The following UBAP1 variants were observed in gnomAD, a reference collection of about 807,000 sequenced individuals.
The protein encoded by UBAP1 is ubiquitin-associated protein 1.
Under a neutral mutation model 39.0 loss-of-function variants are expected in UBAP1, and 5 were observed. That is an observed-to-expected ratio of 0.13 (90% CI 0.07 to 0.27). The LOEUF is 0.27. Among genes scored for constraint, UBAP1 ranks in the 10% least tolerant of loss-of-function variants. The probability of loss-of-function intolerance (pLI) is 1.00; values close to 1 mark genes in which losing one functional copy is unlikely to be tolerated. For synonymous variants in UBAP1, 211 were observed against 225.1 expected (o/e 0.94, Z 0.56); for missense variants, 490 against 608.1 (o/e 0.81, Z 2.04).
At position 34,251,784 on chromosome 9, in the gene UBAP1, T is replaced by C. The variant is rs1473494962; in HGVS notation, c.*252T>C. On this transcript the variant is annotated 3_prime_UTR_variant, in exon 7 of 7. Transcript: ENST00000297661. ...TTAAACGCATTTGCATTTTGAGAAG[T>C]GTCCTTCCCACTTCAGCCCTCCGGA... The C allele has an allele frequency of 6.9e-6, 3 of 437,082 alleles. No homozygotes were observed. The highest frequency in any genetic ancestry group is 1.2e-5 in the Non-Finnish European group (3 of 241,618). 27.1% of individuals were successfully genotyped at this position (437,082 alleles called of 1,614,324 possible).
intron 4 of UBAP1, among the ~76,000 whole-genome samples, chr9:34,246,035 A>G (rs1283434820): frequency 6.6e-6 from 1 of 152,030 alleles, no homozygotes; most frequent in East Asian, 1.9e-4. Flanking sequence ...GTCCACTGCT[A>G]CCCCCTTTCC....
intron 1 of UBAP1, among the ~76,000 whole-genome samples, chr9:34,187,144 G>A (rs570243305): frequency 6.6e-6 from 1 of 152,286 alleles, no homozygotes; most frequent in African/African-American, 2.4e-5. Flanking sequence ...CTGACCTCAG[G>A]TGATCCACCC....
intron 2 of UBAP1, chr9:34,224,011 C>T: frequency 2.1e-6 from 1 of 484,106 alleles, no homozygotes; most frequent in East Asian, 3.4e-5. Context: ...CCTTGATTTT[C>T]CTAAGATAGA....
chr9:34,202,307 T>A (rs539365841), intron 1 of UBAP1, among the ~76,000 whole-genome samples: 1 of 152,168 alleles, frequency 6.6e-6, no homozygotes, highest in African/African-American at 2.4e-5. Flanking sequence ...AATTTTTGTA[T>A]TTTTAGTAGA....
At chr9:34,184,456 C>T (rs1334754350) in intron 1 of UBAP1, among the ~76,000 whole-genome samples, 2 of 149,920 alleles carry the variant, frequency 1.3e-5, no homozygotes, top group East Asian at 4.1e-4. Flanking sequence ...ACGGTGAAAC[C>T]CTGTCTCTAC....
intron 2 of UBAP1, chr9:34,224,376 C>T (rs537110549): frequency 1.8e-5 from 8 of 436,630 alleles, no homozygotes; most frequent in South Asian, 4.9e-5. Flanking sequence ...CGTTATTAAA[C>T]GCATTGTAGA....
intron 2 of UBAP1, among the ~76,000 whole-genome samples, chr9:34,228,673 G>A (rs1186350971): frequency 6.7e-6 from 1 of 148,308 alleles, no homozygotes; most frequent in Non-Finnish European, 1.5e-5. Context: ...GGGTTCAAGT[G>A]ATCCTCCTGC....
intron 1 of UBAP1, among the ~76,000 whole-genome samples, chr9:34,195,602 T>C (rs1298844617): frequency 6.6e-6 from 1 of 152,000 alleles, no homozygotes; most frequent in East Asian, 1.9e-4. Flanking sequence ...ATTTTTCTTT[T>C]TTTTTTTTTT....
At chr9:34,229,588 A>C (rs1833300403) in intron 2 of UBAP1, among the ~76,000 whole-genome samples, 1 of 150,208 alleles carries the variant, frequency 6.7e-6, no homozygotes, top group Non-Finnish European at 1.5e-5. Context: ...ACTAGGCTGG[A>C]GTGCAGTGGA....
intron 1 of UBAP1, among the ~76,000 whole-genome samples, chr9:34,207,935 A>G (rs1046463195): frequency 1.3e-5 from 2 of 152,196 alleles, no homozygotes; most frequent in African/African-American, 2.4e-5. Context: ...TGAAATAACA[A>G]TGCTAAGCAA....
chr9:34,199,374 ATTAT>A (rs1831239727), intron 1 of UBAP1, among the ~76,000 whole-genome samples: 1 of 152,100 alleles, frequency 6.6e-6, no homozygotes, highest in Admixed American at 6.5e-5. Context: ...CGCCCAGCCT[ATTAT>A]TTATTTTTAA....
chr9:34,226,105 T>TTGTGTGTGTGTGTGTG lies in UBAP1; in HGVS notation c.34+5194_34+5209dup, dbSNP rs74180553. ...CCTTCTAAAGTTTCCTCCTACTCTA[T>TTGTGTGTGTGTGTGTG]TGTGTGTGTGTGTGTGTGTGTGTGT... On this transcript the variant is annotated intron_variant, in intron 2 of 6. Transcript: ENST00000297661. Among the ~76,000 whole-genome samples the TTGTGTGTGTGTGTGTG allele has an allele frequency of 7.9e-4, 70 of 88,262 alleles. 1 individual carries two copies. Among genetic ancestry groups the TTGTGTGTGTGTGTGTG allele is most frequent in the East Asian group, 1.3e-3 (4 of 3,188 alleles). 57.9% of individuals were successfully genotyped at this position (88,262 alleles called of 152,430 possible).
At chr9:34,203,343 C>T (rs2131540131) in intron 1 of UBAP1, among the ~76,000 whole-genome samples, 1 of 152,242 alleles carries the variant, frequency 6.6e-6, no homozygotes, top group East Asian at 1.9e-4. Context: ...ATTAAATATG[C>T]TTTCATTTCT....
chr9:34,182,695 CTT>C (rs773696892), intron 1 of UBAP1, among the ~76,000 whole-genome samples: 1 of 70,716 alleles, frequency 1.4e-5, no homozygotes, highest in Non-Finnish European at 3.0e-5. Flanking sequence ...CTCTCTCTTT[CTT>C]TTCTTTTCTT....
chr9:34,241,803 G>A lies in UBAP1; in HGVS notation c.778G>A (p.Val260Ile), dbSNP rs758036395. The change falls in exon 4 of 7, where the codon GTA becomes ATA. Residue 260 changes from valine (V) to isoleucine (I), a missense_variant. This residue lies in a region of UBAP1 where 339 missense variants were observed against 390.0 expected (regional missense o/e 0.87). Coordinates refer to ENST00000297661, the MANE Select transcript of UBAP1 (RefSeq NM_016525.5). ...SKVSLPPIPA[V>I]SNIKSLSFPK... ...AGTGTCCCTCCCCCCTATACCTGCAGTAAGCAATATCAAATCCCTGTCTTT... is the reference window on the plus strand; with the variant it reads ...AGTGTCCCTCCCCCCTATACCTGCAATAAGCAATATCAAATCCCTGTCTTT... 2.5e-6 allele frequency: 4 copies of A among 1,613,966 alleles called. No individual in the cohort carries two copies. Among genetic ancestry groups the A allele is most frequent in the Non-Finnish European group, 3.4e-6 (4 of 1,180,026 alleles).
In UBAP1 at chr9:34,228,676, C is replaced by G. The variant is rs1299403495; in HGVS notation, c.35-5540C>G. ...CCTCCGCCTCCTGGGTTCAAGTGAT[C>G]CTCCTGCCTCAGTTTCCCGAGTAGC... On this transcript the variant is annotated intron_variant, in intron 2 of 6. Transcript: ENST00000297661. 2.0e-5 allele frequency among the ~76,000 whole-genome samples: 3 copies of G among 148,738 alleles called. No homozygotes were observed. In the East Asian group the frequency reaches 6.2e-4, roughly 31 times the overall value.
chr9:34,234,906 TC>T (rs1004216867), intron 3 of UBAP1, among the ~76,000 whole-genome samples: 2 of 152,132 alleles, frequency 1.3e-5, no homozygotes, highest in African/African-American at 4.8e-5. Flanking sequence ...CTCAGGTAGG[TC>T]CTTCAGGAGA....
At chr9:34,185,209 C>T (rs534230853) in intron 1 of UBAP1, among the ~76,000 whole-genome samples, 1 of 152,322 alleles carries the variant, frequency 6.6e-6, no homozygotes, top group East Asian at 1.9e-4. Flanking sequence ...GCTGGGATTA[C>T]AGGCATGAGC....
At chr9:34,218,657 G>A (rs78582494) in intron 1 of UBAP1, among the ~76,000 whole-genome samples, 1,630 of 152,240 alleles carry the variant, frequency 0.011, 13 homozygotes, top group Non-Finnish European at 0.017. Context: ...TGTGAGACCG[G>A]GTGCAGTGGC....
Sources: allele counts gnomAD v4.1 joint callset (sites outside exome capture counted in the v4.1 genomes callset), GRCh38; gene constraint gnomAD v4.1.1; regional missense constraint gnomAD v4.1.1; transcripts MANE v1.5; gene names NCBI Gene and HGNC (gene_info 2026-07-23, HGNC 2026-07-21).